The following CUL4A variants were observed in gnomAD, a reference collection of about 807,000 sequenced individuals.
CUL4A encodes the protein cullin 4A, also known as cullin-4A.
A neutral mutation model predicts 95.5 loss-of-function variants in CUL4A; 16 were observed. The observed-to-expected ratio is 0.17, with a 90% CI of 0.11 to 0.25. CUL4A has a LOEUF of 0.25. Among genes scored for constraint, CUL4A ranks in the 10% least tolerant of loss-of-function variants. The pLI is 1.00. For missense variants in CUL4A, 610 were observed against 937.0 expected (o/e 0.65, Z 4.56); for synonymous variants, 380 against 353.1 (o/e 1.08, Z -0.85).
rs572307501 is a variant in CUL4A at position 113,260,481 on chromosome 13, C to T, written c.2032-126C>T. 6.8e-5 allele frequency: 50 copies of T among 739,732 alleles called. No homozygotes were observed. The Middle Eastern group carries it at 1.5e-3, about 23-fold the overall frequency. 45.8% of individuals were successfully genotyped at this position (739,732 alleles called of 1,614,324 possible). Reference sequence around the variant, plus strand: ...AAGAGAATCGCTTGATCCTGGGAGGCGGAGGTTGCAGTGAGCCGAGATCAC... The same window carrying T: ...AAGAGAATCGCTTGATCCTGGGAGGTGGAGGTTGCAGTGAGCCGAGATCAC... On this transcript the variant is annotated intron_variant, in intron 18 of 19. Coordinates refer to ENST00000375440, the MANE Select transcript of CUL4A (RefSeq NM_001008895.4).
intron 2 of CUL4A, among the ~76,000 whole-genome samples, chr13:113,217,762 T>C (rs886381199): frequency 6.6e-6 from 1 of 152,244 alleles, no homozygotes; most frequent in Non-Finnish European, 1.5e-5. Context: ...GAACCCCACA[T>C]TGGTTCAAAA....
intron 2 of CUL4A, among the ~76,000 whole-genome samples, chr13:113,214,230 T>C (rs2040560908): frequency 6.6e-6 from 1 of 152,200 alleles, no homozygotes; most frequent in Non-Finnish European, 1.5e-5. Flanking sequence ...TGTTTCTGTT[T>C]GTTACTTTGT....
At chr13:113,238,504 G>A (rs1458639865) in intron 9 of CUL4A, among the ~76,000 whole-genome samples, 2 of 151,818 alleles carry the variant, frequency 1.3e-5, no homozygotes, top group African/African-American at 4.8e-5. Flanking sequence ...TGCATACTTT[G>A]TTAAGCAAAA....
intron 3 of CUL4A, among the ~76,000 whole-genome samples, chr13:113,224,987 T>C (rs2041048184): frequency 6.6e-6 from 1 of 152,258 alleles, no homozygotes; most frequent in East Asian, 1.9e-4. Context: ...GTGTAGAAAA[T>C]GTATGTATCC....
intron 10 of CUL4A, among the ~76,000 whole-genome samples, chr13:113,240,762 A>C (rs896141537): frequency 2.0e-5 from 3 of 152,078 alleles, no homozygotes; most frequent in African/African-American, 7.2e-5. Flanking sequence ...CTTCTGCGGG[A>C]ACAGTCGGGG....
Position 113,264,739 on chromosome 13 carries a change from C to T in CUL4A, c.*1157C>T, listed in dbSNP as rs1422906556. The T allele has an allele frequency of 6.6e-6, 1 of 152,566 alleles. No individual in the cohort carries two copies. The highest frequency in any genetic ancestry group is 2.4e-5 in the African/African-American group (1 of 41,424). The allele number at this position is 152,566 out of a possible 1,614,324, so 9.5% of individuals were successfully genotyped here. A position where few individuals can be genotyped will look rare whatever the true frequency, so the allele number is the denominator to read the frequency against. ...TTGATCATGGCATAAGTGTTTAAAG[C>T]AATATTTTCTGGAATATACCAAGTT... On this transcript the variant is annotated 3_prime_UTR_variant, in exon 20 of 20. Coordinates refer to ENST00000375440, the MANE Select transcript of CUL4A (RefSeq NM_001008895.4).
chr13:113,242,532 G>A (rs1488893548), intron 10 of CUL4A, among the ~76,000 whole-genome samples: 2 of 152,190 alleles, frequency 1.3e-5, no homozygotes, highest in Non-Finnish European at 2.9e-5. Flanking sequence ...GCTCATGCCT[G>A]TAAACCCAGC....
At chr13:113,260,865 G>A (rs2042257374) in intron 19 of CUL4A, 106 bp downstream of exon 19, 3 of 886,374 alleles carry the variant, frequency 3.4e-6, no homozygotes, top group Non-Finnish European at 5.1e-6. Flanking sequence ...ATTATTCATG[G>A]TGCTTTGTGT....
In CUL4A at chr13:113,264,317, A is replaced by T. The variant is rs1159015373; in HGVS notation, c.*735A>T. On this transcript the variant is annotated 3_prime_UTR_variant, in exon 20 of 20. Coordinates refer to ENST00000375440, the MANE Select transcript of CUL4A (RefSeq NM_001008895.4). ...TGTTTGTGTTTCCATTCTAAGATTG[A>T]GTCTGGCAGTCCCTGTTTTTTTGCA... 4 of 151,836 alleles carry T rather than the reference A, an allele frequency of 2.6e-5. No homozygotes were observed. The highest frequency in any genetic ancestry group is 2.9e-5 in the Non-Finnish European group (2 of 67,986). 9.4% of individuals were successfully genotyped at this position (151,836 alleles called of 1,614,324 possible). A position where few individuals can be genotyped will look rare whatever the true frequency, so the allele number is the denominator to read the frequency against.
chr13:113,261,762 C>T (rs1187708931), intron 19 of CUL4A, among the ~76,000 whole-genome samples: 1 of 41,260 alleles, frequency 2.4e-5, no homozygotes, highest in Non-Finnish European at 5.5e-5. Context: ...GACCAGGGCG[C>T]CCGCTCTGCT....
chr13:113,228,112 G>A, intron 4 of CUL4A, 67 bp downstream of exon 4: 2 of 1,186,410 alleles, frequency 1.7e-6, no homozygotes, highest in Non-Finnish European at 2.5e-6. Flanking sequence ...ATGATTGAGA[G>A]CTGAGACATA....
chr13:113,223,558 TG>T (rs950132783), intron 3 of CUL4A, among the ~76,000 whole-genome samples: 4 of 152,288 alleles, frequency 2.6e-5, no homozygotes, highest in African/African-American at 9.6e-5. Context: ...CCACCACGCC[TG>T]GCTAATTTTG....
At chr13:113,237,726 A>AG (rs1300434543) in intron 9 of CUL4A, among the ~76,000 whole-genome samples, 1 of 152,224 alleles carries the variant, frequency 6.6e-6, no homozygotes, top group African/African-American at 2.4e-5. Flanking sequence ...GAAACCTTAA[A>AG]GTTTAATTTT....
chr13:113,251,931 C>T (rs887083439), intron 15 of CUL4A, among the ~76,000 whole-genome samples: 2 of 152,192 alleles, frequency 1.3e-5, no homozygotes, highest in African/African-American at 4.8e-5. Flanking sequence ...AGGCCACGCC[C>T]TGGGCTGTGC....
chr13:113,266,799 C>T lies in CUL4A; in HGVS notation c.*3217C>T, dbSNP rs1171959998. On this transcript the variant is annotated 3_prime_UTR_variant, in exon 20 of 20. Coordinates refer to ENST00000375440, the MANE Select transcript of CUL4A (RefSeq NM_001008895.4). ...CTCCTTTTTATACTAAGGGAAGTTC[C>T]AAGTGGTCAAGTATTTACGTGTAAA... The T allele has an allele frequency of 6.6e-6, 1 of 152,076 alleles. No homozygotes were observed. The highest frequency in any genetic ancestry group is 1.5e-5 in the Non-Finnish European group (1 of 68,018). 9.4% of individuals were successfully genotyped at this position (152,076 alleles called of 1,614,324 possible).
intron 18 of CUL4A, among the ~76,000 whole-genome samples, chr13:113,258,987 G>A (rs747884021): frequency 6.6e-6 from 1 of 152,204 alleles, no homozygotes; most frequent in South Asian, 2.1e-4. Flanking sequence ...ATGAAATGCT[G>A]ATATCTTATA....
At position 113,245,001 on chromosome 13, in the gene CUL4A, T is replaced by C. The variant is rs199685290; in HGVS notation, c.1386T>C (p.Leu462=). The part of the protein sequence containing the change: ...FYKKDLAKRL[L]VGKSASVDAE... ...AAAAAGATTTGGCAAAAAGACTCCT[T>C]GTTGGGAAAAGTGCCTCAGTCGATG... The change falls in exon 13 of 20, where the codon CTT becomes CTC. Residue 462 remains leucine, a synonymous_variant. Coordinates refer to ENST00000375440, the MANE Select transcript of CUL4A (RefSeq NM_001008895.4). The C allele has an allele frequency of 7.4e-6, 12 of 1,614,160 alleles. No individual in the cohort carries two copies. Among genetic ancestry groups the C allele is most frequent in the Non-Finnish European group, 1.0e-5 (12 of 1,179,988 alleles).
At chr13:113,214,345 G>A (rs2040566328) in intron 2 of CUL4A, among the ~76,000 whole-genome samples, 1 of 152,222 alleles carries the variant, frequency 6.6e-6, no homozygotes, top group African/African-American at 2.4e-5. Flanking sequence ...AACTCCTGAA[G>A]AAAGTGCATC....
chr13:113,222,537 A>C (rs2040939200), intron 3 of CUL4A, among the ~76,000 whole-genome samples: 1 of 152,020 alleles, frequency 6.6e-6, no homozygotes, highest in African/African-American at 2.4e-5. Flanking sequence ...TTGATTTGGA[A>C]GGAGGTGAGG....
Sources: allele counts gnomAD v4.1 joint callset (sites outside exome capture counted in the v4.1 genomes callset), GRCh38; gene constraint gnomAD v4.1.1; transcripts MANE v1.5; gene names NCBI Gene and HGNC (gene_info 2026-07-23, HGNC 2026-07-21).